Variants in NUP93 observed in about 807,000 individuals in gnomAD.
NUP93 encodes the protein nucleoporin 93.
Under a neutral mutation model 107.8 loss-of-function variants are expected in NUP93, and 55 were observed. That is an observed-to-expected ratio of 0.51 (90% CI 0.41 to 0.64). The LOEUF is 0.64. Ranked by LOEUF, NUP93 falls within the 30% of genes least tolerant of loss-of-function variation. The pLI is 0.00. For synonymous variants in NUP93, 390 were observed against 397.5 expected (o/e 0.98, Z 0.22); for missense variants, 937 against 1,044.7 (o/e 0.90, Z 1.42).
chr16:56,776,427 A>C (rs999190150), intron 3 of NUP93, among the ~76,000 whole-genome samples: 1 of 152,222 alleles, frequency 6.6e-6, no homozygotes, highest in Non-Finnish European at 1.5e-5. Flanking sequence ...ATAATAGTAA[A>C]ATTATGATGG....
At chr16:56,788,035 T>G (rs1445469512) in intron 3 of NUP93, among the ~76,000 whole-genome samples, 4 of 152,224 alleles carry the variant, frequency 2.6e-5, no homozygotes, top group Admixed American at 2.6e-4. Context: ...AATCCTCTCT[T>G]TTCTTGCGTC....
chr16:56,801,377 G>A (rs1448741917), intron 4 of NUP93, among the ~76,000 whole-genome samples: 4 of 152,144 alleles, frequency 2.6e-5, no homozygotes, highest in Non-Finnish European at 5.9e-5. Context: ...ATAAGCTGGG[G>A]GTGATGCAAT....
Position 56,836,603 on chromosome 16 carries a change from T to A in NUP93, c.1785T>A (p.Pro595=). The change falls in exon 17 of 22, where the codon CCT becomes CCA. Residue 595 remains proline, a splice_region_variant and synonymous_variant. Coordinates refer to ENST00000308159, the MANE Select transcript of NUP93 (RefSeq NM_014669.5). ...CCCTCCATAATTTGTCTTGTCAGCCTGGAGTCATAGATAAGTTTACTAGTG... is the reference window on the plus strand; with the variant it reads ...CCCTCCATAATTTGTCTTGTCAGCCAGGAGTCATAGATAAGTTTACTAGTG... ...GKLENDGSRK[P]GVIDKFTSDT... 1.3e-6 allele frequency: 2 copies of A among 1,599,324 alleles called. No homozygotes were observed. The highest frequency in any genetic ancestry group is 1.7e-6 in the Non-Finnish European group (2 of 1,166,908).
rs1479828393 is a variant in NUP93, at chr16:56,848,327, C to T, written c.*3718C>T. The T allele has an allele frequency of 6.6e-6, 1 of 152,152 alleles. No homozygotes were observed. Among genetic ancestry groups the T allele is most frequent in the East Asian group, 1.9e-4 (1 of 5,192 alleles). The allele number at this position is 152,152 out of a possible 1,614,324, so 9.4% of individuals were successfully genotyped here. On this transcript the variant is annotated 3_prime_UTR_variant, in exon 22 of 22. Coordinates refer to ENST00000308159, the MANE Select transcript of NUP93 (RefSeq NM_014669.5). ...CAGTCAGCTGGGAAAGGAATTGAGC[C>T]CTGTGTCAGCAAATTGGGAGAAAGT... is the stretch of plus-strand genomic sequence containing the variant.
In NUP93 at chr16:56,834,161, G is replaced by A. The variant is rs776964186; in HGVS notation, c.1571G>A (p.Arg524Gln). ...GAGCCTGGTGACCCTCCTTGCTTGC[G>A]GCGGCTGAACTTCGTGCGGCTCCTC... Reference protein sequence around the residue: ...SHEPGDPPCLRRLNFVRLLML... With the variant: ...SHEPGDPPCLQRLNFVRLLML... Residue 524 changes from arginine to glutamine, a missense_variant, in exon 14 of 22, where the codon CGG (arginine) becomes CAG (glutamine). Physicochemically the swap from Arg to Gln is conservative, Grantham distance 43 (BLOSUM62 1). Transcript: ENST00000308159. The A allele has an allele frequency of 3.7e-6, 6 of 1,614,006 alleles. No homozygotes were observed. The South Asian group carries it at 4.4e-5, about 12-fold the overall frequency.
intron 1 of NUP93, among the ~76,000 whole-genome samples, chr16:56,736,642 GA>G (rs1176748789): frequency 6.6e-6 from 1 of 152,184 alleles, no homozygotes; most frequent in Non-Finnish European, 1.5e-5. Context: ...GTTGGGGGTG[GA>G]TAACTGCATT....
intron 1 of NUP93, among the ~76,000 whole-genome samples, chr16:56,741,566 T>A (rs1961740278): frequency 6.6e-6 from 1 of 152,232 alleles, no homozygotes; most frequent in South Asian, 2.1e-4. Context: ...TTAAAAACAG[T>A]ACTGTTTACT....
intron 16 of NUP93, among the ~76,000 whole-genome samples, chr16:56,835,032 T>C (rs1963882138): frequency 6.6e-6 from 1 of 152,250 alleles, no homozygotes; most frequent in Non-Finnish European, 1.5e-5. Context: ...CATTTGTTCA[T>C]GCCTGTCATT....
Position 56,805,620 on chromosome 16 carries a change from T to C in NUP93, c.477T>C (p.Thr159=). 1 of 1,613,728 alleles carries C rather than the reference T, an allele frequency of 6.2e-7. No homozygotes were observed. Among genetic ancestry groups the C allele is most frequent in the Non-Finnish European group, 8.5e-7 (1 of 1,179,692 alleles). The change falls in exon 5 of 22, where the codon ACT becomes ACC. Residue 159 remains threonine, a synonymous_variant. Transcript: ENST00000308159. ...CAGGAGAAGACGCCCTTGACTTTAC[T>C]CAAGAAAGCGAGGTAGCTTGAATGC... ...LASGEDALDF[T]QESEPSYISD...
At chr16:56,805,142 C>T (rs1050639352) in intron 4 of NUP93, among the ~76,000 whole-genome samples, 2 of 152,074 alleles carry the variant, frequency 1.3e-5, no homozygotes, top group African/African-American at 4.8e-5. Context: ...ACTGCAGCCT[C>T]GACTTCCTGG....
In NUP93 at chr16:56,831,888, G is replaced by A. The variant is rs1429129296; in HGVS notation, c.1132G>A (p.Ala378Thr). Residue 378 changes from alanine (A) to threonine (T), a missense_variant, in exon 11 of 22, where the codon GCC becomes ACC. Transcript: ENST00000308159. Reference sequence around the variant, plus strand: ...CAAGCTCCGGCTGCATTACCGTAGGGCCCTCAGGAACAATACAGATCCCTA... The same window carrying A: ...CAAGCTCCGGCTGCATTACCGTAGGACCCTCAGGAACAATACAGATCCCTA... ...ENKLRLHYRR[A>T]LRNNTDPYKR... is the part of the protein sequence containing the mutation. 1.2e-6 allele frequency: 2 copies of A among 1,613,902 alleles called. No individual in the cohort carries two copies. Among genetic ancestry groups the A allele is most frequent in the African/African-American group, 2.7e-5 (2 of 74,858 alleles).
chr16:56,831,814 C>G, intron 10 of NUP93, 28 bp from the exon 11 acceptor site: 1 of 1,610,096 alleles, frequency 6.2e-7, no homozygotes, highest in Non-Finnish European at 8.5e-7. Context: ...GAGTATGTAT[C>G]TATCTGTCTG....
Position 56,821,677 on chromosome 16 carries a change from C to G in NUP93, c.654+84C>G, listed in dbSNP as rs1963547417. On this transcript the variant is annotated intron_variant, in intron 7 of 21. Coordinates refer to ENST00000308159, the MANE Select transcript of NUP93 (RefSeq NM_014669.5). ...AACTTGCCGATTTGGTTGAAATGTG[C>G]TGCGGAGACACGCCATTCTGTGGAA... The G allele has an allele frequency of 5.0e-6, 4 of 798,754 alleles. No individual in the cohort carries two copies. The South Asian group carries it at 6.0e-5, about 12-fold the overall frequency. 49.5% of individuals were successfully genotyped at this position (798,754 alleles called of 1,614,324 possible).
chr16:56,841,899 CTCTTA>C (rs1964033926), intron 21 of NUP93, 66 bp downstream of exon 21: 2 of 1,587,472 alleles, frequency 1.3e-6, no homozygotes, highest in Non-Finnish European at 1.7e-6. Context: ...ATCCGTTGCG[CTCTTA>C]TGAGACCACA....
chr16:56,837,689 G>GA lies in NUP93; in HGVS notation c.1982dup (p.Arg662GlufsTer14). 2 of 1,614,152 alleles carry GA rather than the reference G, an allele frequency of 1.2e-6. No homozygotes were observed. The highest frequency in any genetic ancestry group is 4.5e-5 in the East Asian group (2 of 44,888). The stretch of plus-strand genomic sequence containing the variant: ...GATCAGTGCCCCGCAATCCAACAAG[G>GA]AGAGGCTGAAGAACATGGCACTCTC... On this transcript the variant is annotated frameshift_variant, in exon 18 of 22. Transcript: ENST00000308159. LOFTEE classifies it high-confidence loss of function.
intron 5 of NUP93, among the ~76,000 whole-genome samples, chr16:56,811,581 G>T (rs747720802): frequency 4.6e-5 from 7 of 151,514 alleles, no homozygotes; most frequent in Admixed American, 4.6e-4. Context: ...CGTGATTCTC[G>T]TGCCTCAGCC....
At chr16:56,834,072 T>G in intron 13 of NUP93, 56 bp from the exon 14 acceptor site, 2 of 1,600,882 alleles carry the variant, frequency 1.2e-6, no homozygotes, top group Non-Finnish European at 1.7e-6. Flanking sequence ...AGTTTCTGGG[T>G]TGCATGGGTC....
intron 3 of NUP93, among the ~76,000 whole-genome samples, chr16:56,794,129 G>A (rs1283957366): frequency 2.0e-5 from 3 of 151,210 alleles, no homozygotes; most frequent in Non-Finnish European, 4.4e-5. Context: ...TAGATAGATA[G>A]ATGTGTTATT....
intron 3 of NUP93, among the ~76,000 whole-genome samples, chr16:56,770,098 C>T (rs1383806724): frequency 6.6e-6 from 1 of 152,208 alleles, no homozygotes; most frequent in Non-Finnish European, 1.5e-5. Context: ...AACTGGTACT[C>T]TTTGGGCTAT....
Sources: allele counts gnomAD v4.1 joint callset (sites outside exome capture counted in the v4.1 genomes callset), GRCh38; gene constraint gnomAD v4.1.1; transcripts MANE v1.5; gene names NCBI Gene and HGNC (gene_info 2026-07-23, HGNC 2026-07-21).